The following AVEN variants were observed in gnomAD, a reference collection of about 807,000 sequenced individuals.
AVEN encodes apoptosis and caspase activation inhibitor, also known as cell death regulator Aven.
AVEN carries 41 observed loss-of-function variants against 38.1 expected under a neutral mutation model. The ratio of observed to expected loss-of-function variants is 1.08; its 90% CI spans 0.84 to 1.40. The LOEUF (loss-of-function observed/expected upper bound fraction) is 1.40, where lower values mean the gene tolerates loss of function less well. AVEN is among the 40% of genes most tolerant of loss of function. The pLI is 0.00. For missense variants in AVEN, 605 were observed against 438.8 expected, an observed-to-expected ratio of 1.38 and a Z score of -3.38; for synonymous variants, 206 against 171.8, an observed-to-expected ratio of 1.20 and a Z score of -1.56.
intron 1 of AVEN, among the ~76,000 whole-genome samples, chr15:34,015,181 T>C (rs868197510): frequency 6.6e-5 from 10 of 152,260 alleles, no homozygotes; most frequent in Admixed American, 3.9e-4. Flanking sequence ...AGGAGCACTT[T>C]TTAAAAAATT....
chr15:33,993,748 C>G (rs1310379745), intron 2 of AVEN, among the ~76,000 whole-genome samples: 1 of 152,186 alleles, frequency 6.6e-6, no homozygotes, highest in African/African-American at 2.4e-5. Context: ...CACCTCATCT[C>G]CCCACTAGAG....
intron 5 of AVEN, among the ~76,000 whole-genome samples, chr15:34,045,277 T>C (rs553418091): frequency 6.6e-6 from 1 of 152,320 alleles, no homozygotes; most frequent in South Asian, 2.1e-4. Context: ...ACATGTCACA[T>C]TGAAATCCTG....
chr15:33,943,584 C>T (rs1393934438), intron 2 of AVEN, among the ~76,000 whole-genome samples: 3 of 152,026 alleles, frequency 2.0e-5, no homozygotes, highest in Non-Finnish European at 4.4e-5. Flanking sequence ...GCCTGTAATC[C>T]CAACACTTTG....
chr15:33,929,659 C>T (rs1028402373), intron 2 of AVEN, among the ~76,000 whole-genome samples: 1 of 152,188 alleles, frequency 6.6e-6, no homozygotes, highest in Non-Finnish European at 1.5e-5. Flanking sequence ...TAAATTTGCA[C>T]ACAAAATGGG....
downstream of AVEN, chr15:33,865,197 C>T (rs1309538160): frequency 8.7e-6 from 14 of 1,613,666 alleles, 1 homozygote; most frequent in East Asian, 4.5e-5. Context: ...TGACTGCTTT[C>T]GTAAACAATA....
chr15:33,947,111 C>T (rs1298224606), intron 2 of AVEN, among the ~76,000 whole-genome samples: 2 of 152,128 alleles, frequency 1.3e-5, no homozygotes, highest in African/African-American at 4.8e-5. Flanking sequence ...GGAGGGGGCT[C>T]CACTGGAAAC....
chr15:33,938,513 A>T (rs28373529), intron 2 of AVEN, among the ~76,000 whole-genome samples: 1 of 152,004 alleles, frequency 6.6e-6, no homozygotes, highest in East Asian at 1.9e-4. Context: ...AACAACAGAC[A>T]CCACAGACAA....
chr15:34,027,348 C>T (rs1450233013), intron 1 of AVEN, among the ~76,000 whole-genome samples: 2 of 151,842 alleles, frequency 1.3e-5, no homozygotes, highest in Non-Finnish European at 2.9e-5. Flanking sequence ...AACTCTGTCT[C>T]TACTAAAAAT....
At chr15:33,930,341 C>CAA (rs10610430) in intron 2 of AVEN, among the ~76,000 whole-genome samples, 18 of 141,418 alleles carry the variant, frequency 1.3e-4, no homozygotes, top group African/African-American at 4.4e-4. Context: ...CCATCTAGGA[C>CAA]AAAAAAAAAA....
At chr15:33,901,644 G>A (rs1294743339) in intron 2 of AVEN, among the ~76,000 whole-genome samples, 2 of 152,034 alleles carry the variant, frequency 1.3e-5, no homozygotes, top group Admixed American at 1.3e-4. Flanking sequence ...AGTGTGCCAG[G>A]GTTCCCTTTT....
At chr15:33,857,941 GCCCACCCACTGCGGGGCCAC>G (rs765511250), downstream of AVEN, 57 of 1,439,878 alleles carry the variant, frequency 4.0e-5, no homozygotes, top group Middle Eastern at 3.8e-4. Flanking sequence ...TGCGGGGCCA[GCCCACCCACTGCGGGGCCAC>G]CCCGCCCCAC....
intron 1 of AVEN, among the ~76,000 whole-genome samples, chr15:34,020,704 C>CTTACT (rs1263105194): frequency 6.6e-6 from 1 of 152,234 alleles, no homozygotes; most frequent in East Asian, 1.9e-4. Context: ...AGCCCCTTGA[C>CTTACT]TGAATTACGA....
downstream of AVEN, chr15:33,861,327 G>A (rs114098112): frequency 1.3e-3 from 730 of 574,936 alleles, 2 homozygotes; most frequent in African/African-American, 0.013. Context: ...CATAGACTCT[G>A]TCTCTCCCAT....
intron 2 of AVEN, among the ~76,000 whole-genome samples, chr15:33,915,123 T>C (rs897540716): frequency 6.6e-6 from 1 of 152,038 alleles, no homozygotes; most frequent in Non-Finnish European, 1.5e-5. Context: ...GTTTTAAGTA[T>C]AAAATACTTA....
Position 34,063,249 on chromosome 15 carries a change from G to T in AVEN, n.1310C>A, listed in dbSNP as rs1370704585. The T allele has an allele frequency of 1.2e-6, 2 of 1,614,184 alleles. No homozygotes were observed. The highest frequency in any genetic ancestry group is 1.7e-6 in the Non-Finnish European group (2 of 1,180,038). On this transcript the variant is annotated non_coding_transcript_exon_variant, in exon 5 of 12. Transcript: ENST00000675287. The surrounding 1 kb of genome is among the most constrained non-coding windows in gnomAD (Gnocchi z 4.1). Reference sequence around the variant, plus strand: ...GCAGTACTTGGTTGGGAAGCGGACAGTTCCACTGGATGAGTGCCAGATCCA... The same window carrying T: ...GCAGTACTTGGTTGGGAAGCGGACATTTCCACTGGATGAGTGCCAGATCCA...
chr15:33,995,794 C>T (rs1409333396), intron 2 of AVEN, among the ~76,000 whole-genome samples: 1 of 152,208 alleles, frequency 6.6e-6, no homozygotes, highest in Non-Finnish European at 1.5e-5. Context: ...TCTGCATTTC[C>T]AACTGAGGTA....
intron 2 of AVEN, among the ~76,000 whole-genome samples, chr15:33,880,386 A>G (rs895383191): frequency 6.6e-6 from 1 of 152,196 alleles, no homozygotes; most frequent in Non-Finnish European, 1.5e-5. Context: ...AGGAGGTTGT[A>G]AAGCTGAAGA....
At chr15:34,006,750 G>A (rs1897364579) in intron 1 of AVEN, among the ~76,000 whole-genome samples, 1 of 152,182 alleles carries the variant, frequency 6.6e-6, no homozygotes, top group African/African-American at 2.4e-5. Flanking sequence ...CAGAGACAGA[G>A]TTGTCATTAG....
chr15:34,038,269 C>T (rs1597378609), intron 1 of AVEN, among the ~76,000 whole-genome samples: 1 of 152,204 alleles, frequency 6.6e-6, no homozygotes, highest in South Asian at 2.1e-4. Context: ...GTCATTCTTT[C>T]ACTCAACAAA....
Sources: allele counts gnomAD v4.1 joint callset (sites outside exome capture counted in the v4.1 genomes callset), GRCh38; gene constraint gnomAD v4.1.1; non-coding constraint Gnocchi (gnomAD v3.1); transcripts MANE v1.5; gene names NCBI Gene and HGNC (gene_info 2026-07-23, HGNC 2026-07-21).